Variants in ATP11A observed in about 807,000 individuals in gnomAD.
The protein encoded by ATP11A is ATPase phospholipid transporting 11A.
A neutral mutation model predicts 154.4 loss-of-function variants in ATP11A; 81 were observed. That is an observed-to-expected ratio of 0.52 (90% CI 0.44 to 0.63). The LOEUF (loss-of-function observed/expected upper bound fraction) is 0.63. ATP11A is among the 30% of genes least tolerant of loss of function. The probability of loss-of-function intolerance (pLI) is 0.00; values close to 1 mark genes in which losing one functional copy is unlikely to be tolerated. For synonymous variants in ATP11A, 623 were observed against 585.9 expected, an observed-to-expected ratio of 1.06 and a Z score of -0.91; for missense variants, 1,316 against 1,474.3, an observed-to-expected ratio of 0.89 and a Z score of 1.76.
At chr13:112,863,730 C>G (rs199962156) in intron 25 of ATP11A, among the ~76,000 whole-genome samples, 1,321 of 56,046 alleles carry the variant, frequency 0.024, no homozygotes, top group Middle Eastern at 0.061. Context: ...CCATCACCAC[C>G]TGCGCAGTAA....
In ATP11A at chr13:112,697,452, A is replaced by G. The variant is rs140771553; in HGVS notation, c.39+6997A>G. Reference sequence around the variant, plus strand: ...TAATCAGAGTGATGAAGAGGTTGCCATTGGCAATTCGGAAGGGAATTCAGG... The same window carrying G: ...TAATCAGAGTGATGAAGAGGTTGCCGTTGGCAATTCGGAAGGGAATTCAGG... On this transcript the variant is annotated intron_variant, in intron 1 of 29. Coordinates refer to ENST00000375645, the MANE Select transcript of ATP11A (RefSeq NM_015205.3). The surrounding 1 kb of genome is among the most constrained non-coding windows in gnomAD (Gnocchi z 4.0). Among the ~76,000 whole-genome samples, 4 of 152,170 alleles carry G rather than the reference A, an allele frequency of 2.6e-5. No homozygotes were observed. The East Asian group carries it at 7.7e-4, about 29-fold the overall frequency.
At position 112,827,168 on chromosome 13, in the gene ATP11A, G is replaced by A. The variant is rs2078955815; in HGVS notation, c.1221+277G>A. Among the ~76,000 whole-genome samples, 3 of 152,296 alleles carry A rather than the reference G, an allele frequency of 2.0e-5. No homozygotes were observed. In the South Asian group the frequency reaches 6.2e-4, roughly 32 times the overall value. On this transcript the variant is annotated intron_variant, in intron 12 of 29. Transcript: ENST00000375645. ...GTGCAGGTGTGAATCAAGGCTGGTG[G>A]GTAAAAGTGGCTTTGCCAGCCTTGC...
At chr13:112,788,809 C>A (rs1323889505) in intron 2 of ATP11A, among the ~76,000 whole-genome samples, 1 of 141,110 alleles carries the variant, frequency 7.1e-6, no homozygotes, top group Non-Finnish European at 1.6e-5. Context: ...CTACTTAATT[C>A]ACACCCAGCA....
chr13:112,696,067 T>A lies in ATP11A; in HGVS notation c.39+5612T>A, dbSNP rs1885762208. On this transcript the variant is annotated intron_variant, in intron 1 of 29. Transcript: ENST00000375645. The surrounding 1 kb of genome is among the most constrained non-coding windows in gnomAD (Gnocchi z 6.2). ...TTCAAGTTCCGTCTCGGCTGACGGC[T>A]GCGTGGCCTTGGCAAGTTGGTTGCC... Among the ~76,000 whole-genome samples the A allele has an allele frequency of 6.6e-6, 1 of 152,182 alleles. No homozygotes were observed. The highest frequency in any genetic ancestry group is 2.1e-4 in the South Asian group (1 of 4,836).
At position 112,858,266 on chromosome 13, in the gene ATP11A, G is replaced by C; in HGVS notation, c.2643G>C (p.Glu881Asp). The change falls in exon 22 of 30, where the codon GAG (glutamate) becomes GAC (aspartate). Residue 881 changes from glutamate to aspartate, a missense_variant. By Grantham distance (45) the Glu-to-Asp change is conservative. Around this residue, in one of 5 missense-constraint regions of ATP11A, gnomAD observed 19 missense variants for 46.6 expected, o/e 0.41. Coordinates refer to ENST00000375645, the MANE Select transcript of ATP11A (RefSeq NM_015205.3). ...HGHFYYIRIS[E>D]LVQYFFYKNV... ...ATTTTTATTACATTAGGATCTCTGA[G>C]CTCGTGCAGTACTTCTTCTATAAGG... 4 of 1,613,734 alleles carry C rather than the reference G, an allele frequency of 2.5e-6. No homozygotes were observed. The highest frequency in any genetic ancestry group is 3.4e-6 in the Non-Finnish European group (4 of 1,179,938).
chr13:112,842,718 A>C (rs1192857798), intron 17 of ATP11A, among the ~76,000 whole-genome samples: 1 of 152,218 alleles, frequency 6.6e-6, no homozygotes, highest in African/African-American at 2.4e-5. Context: ...TTGGAGCAAA[A>C]AGTCTTTGTG....
At chr13:112,805,283 C>G (rs2078289687) in intron 3 of ATP11A, among the ~76,000 whole-genome samples, 1 of 152,226 alleles carries the variant, frequency 6.6e-6, no homozygotes, top group South Asian at 2.1e-4. Context: ...TTTCCTGCCC[C>G]TTTCCTTCTA....
At chr13:112,852,488 G>A (rs987263400) in intron 18 of ATP11A, among the ~76,000 whole-genome samples, 3 of 152,198 alleles carry the variant, frequency 2.0e-5, no homozygotes, top group African/African-American at 7.2e-5. Context: ...TAAAGAACGC[G>A]ACTTGCACGT....
At chr13:112,763,741 C>G (rs966241249) in intron 1 of ATP11A, among the ~76,000 whole-genome samples, 3 of 152,240 alleles carry the variant, frequency 2.0e-5, no homozygotes, top group Admixed American at 2.0e-4. Flanking sequence ...TTCACTCTTT[C>G]AAGCAGTCGC....
rs762064015 is a variant in ATP11A at position 112,851,116 on chromosome 13, C to A, written c.1889C>A (p.Ala630Asp). 1.2e-6 allele frequency: 2 copies of A among 1,614,252 alleles called. No individual in the cohort carries two copies. Among genetic ancestry groups the A allele is most frequent in the Admixed American group, 3.3e-5 (2 of 60,026 alleles). The change falls in exon 18 of 30, where the codon GCT becomes GAT. Residue 630 changes from alanine (A) to aspartate (D), a missense_variant. By Grantham distance (126) the Ala-to-Asp change is moderately radical. Coordinates refer to ENST00000375645, the MANE Select transcript of ATP11A (RefSeq NM_015205.3). The stretch of plus-strand genomic sequence containing the variant: ...GAAGGCATTTGTAAGCTGCTGCAGG[C>A]TGCCAAAGTGGCCCTTCAAGATCGA... ...EYEGICKLLQAAKVALQDREK... is the reference protein window; with the variant it reads ...EYEGICKLLQDAKVALQDREK...
At chr13:112,816,957 G>T (rs2078662301) in intron 6 of ATP11A, among the ~76,000 whole-genome samples, 1 of 152,198 alleles carries the variant, frequency 6.6e-6, no homozygotes, top group Non-Finnish European at 1.5e-5. Flanking sequence ...TCTAGATTTT[G>T]CCTGTTACTT....
intron 1 of ATP11A, among the ~76,000 whole-genome samples, chr13:112,777,615 G>A (rs1475711244): frequency 1.3e-5 from 2 of 152,206 alleles, no homozygotes; most frequent in Non-Finnish European, 2.9e-5. Context: ...CACAGAGGCT[G>A]CCCAGGTAGC....
intron 1 of ATP11A, among the ~76,000 whole-genome samples, chr13:112,756,573 C>T (rs1439081451): frequency 2.0e-5 from 3 of 152,172 alleles, no homozygotes; most frequent in African/African-American, 7.2e-5. Context: ...AGGTGGGGGA[C>T]GGCACGAAAA....
intron 1 of ATP11A, among the ~76,000 whole-genome samples, chr13:112,775,909 C>G (rs375924343): frequency 6.6e-6 from 1 of 152,202 alleles, no homozygotes; most frequent in Non-Finnish European, 1.5e-5. Context: ...ACAGCAAGTA[C>G]GCCCCCGTCC....
rs1341779848 is a variant in ATP11A at position 112,753,050 on chromosome 13, T to G, written c.40-32085T>G. Among the ~76,000 whole-genome samples, 1 of 152,158 alleles carries G rather than the reference T, an allele frequency of 6.6e-6. No homozygotes were observed. The highest frequency in any genetic ancestry group is 6.5e-5 in the Admixed American group (1 of 15,280). ...TAAGTCTTGGGGCAGGAGGTAGAAG[T>G]CAGTGACATCAGGCCCAGGGTAAAT... On this transcript the variant is annotated intron_variant, in intron 1 of 29. Coordinates refer to ENST00000375645, the MANE Select transcript of ATP11A (RefSeq NM_015205.3). This position sits in a 1 kb window ranked among gnomAD's most constrained non-coding sequence, Gnocchi z 4.1.
At chr13:112,831,959 AC>A (rs1566544665) in intron 13 of ATP11A, among the ~76,000 whole-genome samples, 2 of 150,586 alleles carry the variant, frequency 1.3e-5, no homozygotes, top group East Asian at 2.0e-4. Flanking sequence ...GCAGACACAC[AC>A]ACTCACACAT....
chr13:112,840,402 TCAGCCTCCTTACTCTCCTGTCCCC>T (rs2140284539), intron 16 of ATP11A, among the ~76,000 whole-genome samples: 7 of 39,078 alleles, frequency 1.8e-4, no homozygotes, highest in African/African-American at 4.3e-4. Flanking sequence ...CCCCCCTGCC[TCAGCCTCCTTACTCTCCTGTCCCC>T]TCCAGCCTCA....
chr13:112,881,660 C>A (rs1160258607), intron 29 of ATP11A: 12 of 1,207,464 alleles, frequency 9.9e-6, no homozygotes, highest in Non-Finnish European at 1.1e-5. Context: ...GTGGATCCCG[C>A]CCGGCCTGCC....
chr13:112,807,202 A>G lies in ATP11A; in HGVS notation c.333+909A>G, dbSNP rs1038861475. ...CGGCAGGAGCGTGGCGGAGCCACCA[A>G]GCACAGCAGTTGGCAACATCTGACA... is the stretch of plus-strand genomic sequence containing the variant. On this transcript the variant is annotated intron_variant, in intron 4 of 29. Transcript: ENST00000375645. This position sits in a 1 kb window ranked among gnomAD's most constrained non-coding sequence, Gnocchi z 4.5. Among the ~76,000 whole-genome samples, 1 of 152,270 alleles carries G rather than the reference A, an allele frequency of 6.6e-6. No individual in the cohort carries two copies. Among genetic ancestry groups the G allele is most frequent in the Non-Finnish European group, 1.5e-5 (1 of 68,050 alleles).
Sources: gnomAD v4.1 joint callset for allele counts (sites outside exome capture counted in the v4.1 genomes callset) on GRCh38, gnomAD v4.1.1 for gene constraint, gnomAD v4.1.1 regional missense constraint, Gnocchi (gnomAD v3.1) non-coding constraint, MANE v1.5 for transcripts, NCBI Gene and HGNC (gene_info 2026-07-23, HGNC 2026-07-21) for gene names.